KAZN: variants seen among roughly 807,000 people sequenced by gnomAD.
KAZN encodes the protein kazrin.
Under a neutral mutation model 87.4 loss-of-function variants are expected in KAZN, and 40 were observed. The observed-to-expected ratio is 0.46, with a 90% CI of 0.36 to 0.60. KAZN has a LOEUF of 0.60. Among genes scored for constraint, KAZN ranks in the 20% least tolerant of loss-of-function variants. KAZN has a pLI of 0.00. For synonymous variants in KAZN, 466 were observed against 458.3 expected, an observed-to-expected ratio of 1.02 and a Z score of -0.22; for missense variants, 898 against 1,073.9, an observed-to-expected ratio of 0.84 and a Z score of 2.29.
At chr1:14,401,290 A>G (rs896029446) in intron 2 of KAZN, among the ~76,000 whole-genome samples, 2 of 152,138 alleles carry the variant, frequency 1.3e-5, no homozygotes, top group African/African-American at 2.4e-5. Flanking sequence ...AAAATAGCAT[A>G]TAATAACTGT....
At chr1:14,379,332 A>G (rs1410680264) in intron 2 of KAZN, among the ~76,000 whole-genome samples, 1 of 151,950 alleles carries the variant, frequency 6.6e-6, no homozygotes, top group Non-Finnish European at 1.5e-5. Flanking sequence ...GGCTACAGGG[A>G]GAGACTCCTT....
intron 1 of KAZN, among the ~76,000 whole-genome samples, chr1:14,118,366 C>G (rs1289425982): frequency 6.6e-6 from 1 of 152,154 alleles, no homozygotes; most frequent in Non-Finnish European, 1.5e-5. Flanking sequence ...ATTCATTCTT[C>G]CCCCATCCCC....
intron 1 of KAZN, among the ~76,000 whole-genome samples, chr1:14,871,794 A>G (rs1652171149): frequency 6.6e-6 from 1 of 152,072 alleles, no homozygotes; most frequent in Non-Finnish European, 1.5e-5. Context: ...TCACAGGCTC[A>G]CATGCTGACC....
intron 2 of KAZN, among the ~76,000 whole-genome samples, chr1:14,300,095 A>G (rs1419168943): frequency 1.1e-4 from 16 of 152,068 alleles, no homozygotes; most frequent in Admixed American, 1.0e-3. Context: ...CTGTGGCAGG[A>G]AAGTGTTTGG....
At chr1:14,350,300 A>C (rs1028836281) in intron 2 of KAZN, among the ~76,000 whole-genome samples, 1 of 152,142 alleles carries the variant, frequency 6.6e-6, no homozygotes, top group African/African-American at 2.4e-5. Context: ...ACCTTGGGAA[A>C]GCTGTTTAAA....
intron 1 of KAZN, among the ~76,000 whole-genome samples, chr1:14,640,953 A>T (rs1432465648): frequency 6.6e-6 from 1 of 152,178 alleles, no homozygotes; most frequent in East Asian, 1.9e-4. Flanking sequence ...CTCTTCTTTG[A>T]GCTGGCTGTA....
intron 1 of KAZN, among the ~76,000 whole-genome samples, chr1:13,948,387 T>C (rs1641223095): frequency 6.6e-6 from 1 of 152,216 alleles, no homozygotes; most frequent in African/African-American, 2.4e-5. Context: ...TATAAGGGGC[T>C]TCCCCCTTCG....
chr1:14,240,304 C>A (rs1648823211), intron 2 of KAZN, among the ~76,000 whole-genome samples: 1 of 152,230 alleles, frequency 6.6e-6, no homozygotes, highest in South Asian at 2.1e-4. Context: ...GTACTTGGGA[C>A]CTCCTGTGCC....
chr1:14,879,939 A>G (rs902617762), intron 1 of KAZN, among the ~76,000 whole-genome samples: 1 of 152,194 alleles, frequency 6.6e-6, no homozygotes, highest in Non-Finnish European at 1.5e-5. Context: ...CTTGTTATGA[A>G]CAAGGAAAAG....
intron 1 of KAZN, among the ~76,000 whole-genome samples, chr1:14,844,195 A>T (rs1211648204): frequency 6.6e-6 from 1 of 152,154 alleles, no homozygotes; most frequent in Non-Finnish European, 1.5e-5. Flanking sequence ...TTGGGCATGT[A>T]GATGAGCCCA....
At chr1:14,039,390 C>G (rs983133278) in intron 1 of KAZN, among the ~76,000 whole-genome samples, 5 of 152,148 alleles carry the variant, frequency 3.3e-5, no homozygotes, top group Non-Finnish European at 5.9e-5. Flanking sequence ...AAGAGGCTGG[C>G]AAATTGTCAA....
chr1:14,452,761 G>A (rs1328711342), intron 2 of KAZN, among the ~76,000 whole-genome samples: 3 of 152,210 alleles, frequency 2.0e-5, no homozygotes, highest in Non-Finnish European at 2.9e-5. Flanking sequence ...TGAGGAAATT[G>A]ATATGCTACG....
chr1:15,105,829 C>T (rs557045430), intron 13 of KAZN, among the ~76,000 whole-genome samples: 2 of 152,306 alleles, frequency 1.3e-5, no homozygotes, highest in East Asian at 3.9e-4. Context: ...GTGAGGCCCA[C>T]CCCACAGACC....
chr1:14,863,783 A>C (rs914741925), intron 1 of KAZN, among the ~76,000 whole-genome samples: 1 of 152,098 alleles, frequency 6.6e-6, no homozygotes, highest in Non-Finnish European at 1.5e-5. Context: ...ATCAGCTTGA[A>C]CTGGTCCTTG....
At chr1:15,102,872 G>T (rs1053012909) in intron 11 of KAZN, among the ~76,000 whole-genome samples, 2 of 152,210 alleles carry the variant, frequency 1.3e-5, no homozygotes, top group African/African-American at 4.8e-5. Flanking sequence ...CCCATGCCAC[G>T]CCGAGGACAG....
chr1:14,669,617 T>G (rs1639793680), intron 1 of KAZN, among the ~76,000 whole-genome samples: 1 of 152,062 alleles, frequency 6.6e-6, no homozygotes, highest in Non-Finnish European at 1.5e-5. Flanking sequence ...TACAGTGGTG[T>G]GCACCTATAG....
intron 1 of KAZN, among the ~76,000 whole-genome samples, chr1:14,663,930 C>T (rs1222179373): frequency 6.6e-6 from 1 of 152,210 alleles, no homozygotes; most frequent in Non-Finnish European, 1.5e-5. Context: ...AAGTGTCCGT[C>T]AACAAACGAG....
intron 1 of KAZN, among the ~76,000 whole-genome samples, chr1:14,140,994 A>C (rs1645223244): frequency 1.3e-5 from 2 of 152,162 alleles, no homozygotes; most frequent in Admixed American, 6.5e-5. Context: ...AGTTCTGGGC[A>C]GGTGCCCAGG....
At chr1:14,945,579 C>G (rs900710513) in intron 1 of KAZN, among the ~76,000 whole-genome samples, 1 of 152,232 alleles carries the variant, frequency 6.6e-6, no homozygotes, top group African/African-American at 2.4e-5. Context: ...CGGCCCGGCT[C>G]CAGCTCCGGT....
Sources: gnomAD v4.1 joint callset for allele counts (sites outside exome capture counted in the v4.1 genomes callset) on GRCh38, gnomAD v4.1.1 for gene constraint, MANE v1.5 for transcripts, NCBI Gene and HGNC (gene_info 2026-07-23, HGNC 2026-07-21) for gene names.